QRICH1: variants seen among roughly 807,000 people sequenced by gnomAD.
QRICH1 encodes the protein glutamine rich 1.
QRICH1 carries 16 observed loss-of-function variants against 87.1 expected under a neutral mutation model. The ratio of observed to expected loss-of-function variants is 0.18; its 90% CI spans 0.12 to 0.28. The LOEUF (loss-of-function observed/expected upper bound fraction) is 0.28. Among genes scored for constraint, QRICH1 ranks in the 10% least tolerant of loss-of-function variants. The probability of loss-of-function intolerance (pLI) is 1.00; values close to 1 mark genes in which losing one functional copy is unlikely to be tolerated. For synonymous variants in QRICH1, 367 were observed against 368.4 expected, an observed-to-expected ratio of 1.00 and a Z score of 0.05; for missense variants, 647 against 951.7, an observed-to-expected ratio of 0.68 and a Z score of 4.21.
chr3:49,090,497 G>A (rs1405847757), intron 1 of QRICH1, among the ~76,000 whole-genome samples: 6 of 149,388 alleles, frequency 4.0e-5, no homozygotes, highest in Non-Finnish European at 8.9e-5. Context: ...GCGTGGTGGC[G>A]GGCACCTGTA....
intron 1 of QRICH1, among the ~76,000 whole-genome samples, chr3:49,077,319 C>T (rs2041969957): frequency 6.6e-6 from 1 of 152,170 alleles, no homozygotes; most frequent in Admixed American, 6.6e-5. Context: ...TCCTACCCAG[C>T]ACTAGGTCAA....
At chr3:49,059,122 C>A (rs372978681) in intron 2 of QRICH1, among the ~76,000 whole-genome samples, 3 of 151,538 alleles carry the variant, frequency 2.0e-5, no homozygotes, top group Non-Finnish European at 4.4e-5. Flanking sequence ...CCACCACACC[C>A]GGCTAATTTT....
In QRICH1 at chr3:49,046,497, C is replaced by T; in HGVS notation, c.1599G>A (p.Arg533=). 1 of 1,614,120 alleles carries T rather than the reference C, an allele frequency of 6.2e-7. No individual in the cohort carries two copies. Among genetic ancestry groups the T allele is most frequent in the African/African-American group, 1.3e-5 (1 of 75,008 alleles). ...ELNYGLCLMT[R]EARNGEGEPY... is the part of the protein sequence containing the mutation. Reference sequence around the variant, plus strand: ...GTTCACCTTCTCCATTTCGAGCTTCCCGTGTCATTAGACAGAGCCCATAAT... The same window carrying T: ...GTTCACCTTCTCCATTTCGAGCTTCTCGTGTCATTAGACAGAGCCCATAAT... The change falls in exon 5 of 10, where the codon CGG becomes CGA. Residue 533 remains arginine, a synonymous_variant. Coordinates refer to ENST00000395443, the MANE Select transcript of QRICH1 (RefSeq NM_198880.3).
chr3:49,071,653 T>TA (rs2093501075), intron 2 of QRICH1, among the ~76,000 whole-genome samples: 2 of 152,190 alleles, frequency 1.3e-5, no homozygotes, highest in Admixed American at 6.6e-5. Context: ...GTCAAAGCTG[T>TA]AAAAAACAGC....
chr3:49,080,179 T>C (rs1485848678), intron 1 of QRICH1, among the ~76,000 whole-genome samples: 1 of 152,204 alleles, frequency 6.6e-6, no homozygotes, highest in Non-Finnish European at 1.5e-5. Flanking sequence ...TCTACCATGC[T>C]GGTACATAAT....
chr3:49,030,371 A>C lies in QRICH1; in HGVS notation c.*81T>G. ...CTACACCAATAAAAAAAAGAAAAAA[A>C]AAAATGGAGGCCTCTTCTTTAGTGT... On this transcript the variant is annotated 3_prime_UTR_variant, in exon 10 of 10. Transcript: ENST00000395443. The C allele has an allele frequency of 7.3e-7, 1 of 1,377,654 alleles. No homozygotes were observed. Among genetic ancestry groups the C allele is most frequent in the East Asian group, 2.4e-5 (1 of 41,482 alleles). 85.3% of individuals were successfully genotyped at this position (1,377,654 alleles called of 1,614,324 possible).
At chr3:49,039,395 G>A (rs1456032610) in intron 6 of QRICH1, among the ~76,000 whole-genome samples, 1 of 151,112 alleles carries the variant, frequency 6.6e-6, no homozygotes, top group African/African-American at 2.4e-5. Flanking sequence ...AAGTAAGTAT[G>A]ATAGGCTGGG....
intron 1 of QRICH1, among the ~76,000 whole-genome samples, chr3:49,082,165 C>G (rs1011765672): frequency 6.6e-6 from 1 of 152,066 alleles, no homozygotes; most frequent in Non-Finnish European, 1.5e-5. Context: ...TGGTCTCAAA[C>G]TCCTCACCTC....
intron 3 of QRICH1, among the ~76,000 whole-genome samples, chr3:49,050,968 A>G (rs2093367108): frequency 6.6e-6 from 1 of 151,940 alleles, no homozygotes; most frequent in Non-Finnish European, 1.5e-5. Flanking sequence ...TCTTTCCCCC[A>G]CTGTTTTATT....
At chr3:49,094,291 T>G, upstream of QRICH1, 1 of 364,320 alleles carries the variant, frequency 2.7e-6, no homozygotes, top group East Asian at 4.0e-5. Context: ...GGCCTAGTAG[T>G]GGAGTCTCGG....
At chr3:49,070,635 A>G (rs2093495291) in intron 2 of QRICH1, among the ~76,000 whole-genome samples, 1 of 151,976 alleles carries the variant, frequency 6.6e-6, no homozygotes, top group South Asian at 2.1e-4. Flanking sequence ...AGGTTTTACC[A>G]TGTTTCCCAG....
intron 6 of QRICH1, among the ~76,000 whole-genome samples, chr3:49,043,684 G>A (rs1428300169): frequency 1.3e-5 from 2 of 151,956 alleles, no homozygotes; most frequent in East Asian, 3.9e-4. Flanking sequence ...AAAATTAGCA[G>A]GGCATGATGG....
chr3:49,062,281 C>T (rs988549390), intron 2 of QRICH1, among the ~76,000 whole-genome samples: 2 of 150,246 alleles, frequency 1.3e-5, no homozygotes, highest in Admixed American at 6.7e-5. Context: ...GCTAGTGAGC[C>T]GAGATGGCGC....
At chr3:49,033,386 AAC>A (rs1397391645) in intron 6 of QRICH1, 158 bp from the exon 7 acceptor site, 4 of 419,858 alleles carry the variant, frequency 9.5e-6, no homozygotes, top group African/African-American at 6.1e-5. Context: ...AGCTTCTTAA[AAC>A]ACAGATAGCT....
At chr3:49,042,291 G>A (rs750515671) in intron 6 of QRICH1, among the ~76,000 whole-genome samples, 10 of 151,564 alleles carry the variant, frequency 6.6e-5, no homozygotes, top group Non-Finnish European at 1.3e-4. Flanking sequence ...AGTAGAGACG[G>A]GGTTTCACCG....
chr3:49,078,458 G>C (rs1179526435), intron 1 of QRICH1, among the ~76,000 whole-genome samples: 1 of 113,074 alleles, frequency 8.8e-6, no homozygotes, highest in Non-Finnish European at 1.6e-5. Context: ...GCAGTGGCTT[G>C]ATCTTGGCTC....
chr3:49,078,121 G>A (rs890264362), intron 1 of QRICH1, among the ~76,000 whole-genome samples: 2 of 152,120 alleles, frequency 1.3e-5, no homozygotes, highest in African/African-American at 4.8e-5. Context: ...TTGCCAAAAA[G>A]GATTATCAGA....
Position 49,048,104 on chromosome 3 carries a change from G to A in QRICH1, c.1339-858C>T, listed in dbSNP as rs1423765340. ...ATGCATATTCTGATTGAAAAGGGTA[G>A]GAACTGAGACAACATTTCTTTCTTT... On this transcript the variant is annotated intron_variant, in intron 3 of 9. Transcript: ENST00000395443. Among the ~76,000 whole-genome samples, 8 of 150,662 alleles carry A rather than the reference G, an allele frequency of 5.3e-5. No individual in the cohort carries two copies. The East Asian group carries it at 1.2e-3, about 23-fold the overall frequency.
rs771145501 is a variant in QRICH1, at chr3:49,057,612, C to A, written c.588G>T (p.Gln196His). The change falls in exon 3 of 10, where the codon CAG (glutamine) becomes CAT (histidine). Residue 196 changes from glutamine (Q) to histidine (H), a missense_variant. Around this residue, in one of 7 missense-constraint regions of QRICH1, gnomAD observed 156 missense variants for 164.5 expected, o/e 0.95. Transcript: ENST00000395443. The surrounding 1 kb of genome is among the most constrained non-coding windows in gnomAD (Gnocchi z 5.4). ...GAGACTGGCCAGCCACCAGCTGAGC[C>A]TGGATTTGCTGATGTGGGATGTGCT... ...PEEHIPHQQIQAQLVAGQSLA... is the reference protein window; with the variant it reads ...PEEHIPHQQIHAQLVAGQSLA... The A allele has an allele frequency of 6.2e-7, 1 of 1,614,162 alleles. No individual in the cohort carries two copies.
Sources: allele counts gnomAD v4.1 joint callset (sites outside exome capture counted in the v4.1 genomes callset), GRCh38; gene constraint gnomAD v4.1.1; regional missense constraint gnomAD v4.1.1; non-coding constraint Gnocchi (gnomAD v3.1); transcripts MANE v1.5; gene names NCBI Gene and HGNC (gene_info 2026-07-23, HGNC 2026-07-21).